The following ABCG8 variants were observed in gnomAD, a reference collection of about 807,000 sequenced individuals.
The protein encoded by ABCG8 is ATP binding cassette subfamily G member 8.
A neutral mutation model predicts 71.3 loss-of-function variants in ABCG8; 81 were observed. The observed-to-expected ratio is 1.14, with a 90% CI of 0.95 to 1.37. The LOEUF (loss-of-function observed/expected upper bound fraction) is 1.37, where lower values mean the gene tolerates loss of function less well. Among genes scored for constraint, ABCG8 ranks in the 40% most tolerant of loss-of-function variants. ABCG8 has a pLI of 0.00. For missense variants in ABCG8, 1,119 were observed against 866.2 expected, an observed-to-expected ratio of 1.29 and a Z score of -3.66; for synonymous variants, 451 against 354.7, an observed-to-expected ratio of 1.27 and a Z score of -3.05.
At chr2:43,844,387 A>T in intron 1 of ABCG8, 120 bp from the exon 2 acceptor site, 3 of 787,020 alleles carry the variant, frequency 3.8e-6, no homozygotes, top group Non-Finnish European at 6.5e-6. Flanking sequence ...TCTGTTGCCA[A>T]TTTGAGATTT....
At chr2:43,870,630 T>C (rs1484203783) in intron 6 of ABCG8, among the ~76,000 whole-genome samples, 7 of 152,124 alleles carry the variant, frequency 4.6e-5, no homozygotes, top group African/African-American at 7.2e-5. Context: ...GAACTCTCAC[T>C]ATCTGTGTGG....
At chr2:43,846,011 C>T (rs569726358) in intron 2 of ABCG8, 144 bp from the exon 3 acceptor site, 8 of 809,006 alleles carry the variant, frequency 9.9e-6, no homozygotes, top group East Asian at 2.5e-5. Flanking sequence ...TTTGGTAGAA[C>T]CTGGGTTGGG....
At chr2:43,866,948 A>C (rs1405929617) in intron 6 of ABCG8, among the ~76,000 whole-genome samples, 1 of 151,366 alleles carries the variant, frequency 6.6e-6, no homozygotes, top group Non-Finnish European at 1.5e-5. Flanking sequence ...AACCAACCCA[A>C]ATGTCCAACA....
rs376124375 is a variant in ABCG8, at chr2:43,866,751, T to C, written c.965-5225T>C. On this transcript the variant is annotated intron_variant, in intron 6 of 12. Transcript: ENST00000272286. ...GAACACTTTTACACTGTTGGTGGGA[T>C]TGTAAACTAGTTCAACCATTGTGGA... 6.8e-3 allele frequency among the ~76,000 whole-genome samples: 965 copies of C among 142,358 alleles called. 7 individuals are homozygous for C. Among genetic ancestry groups the C allele is most frequent in the South Asian group, 0.016 (68 of 4,276 alleles). The allele number at this position is 142,358 out of a possible 152,430, so 93.4% of individuals were successfully genotyped here.
At chr2:43,844,403 C>T in intron 1 of ABCG8, 104 bp from the exon 2 acceptor site, 3 of 874,050 alleles carry the variant, frequency 3.4e-6, no homozygotes, top group Non-Finnish European at 5.6e-6. Context: ...GATTTAACCA[C>T]GTCGGCTCTA....
intron 11 of ABCG8, among the ~76,000 whole-genome samples, chr2:43,877,185 G>A (rs914474487): frequency 1.3e-5 from 2 of 151,068 alleles, no homozygotes; most frequent in African/African-American, 4.9e-5. Flanking sequence ...TCAATATAAA[G>A]AAGACCATGG....
chr2:43,854,718 A>C (rs1242323496), intron 6 of ABCG8, among the ~76,000 whole-genome samples: 2 of 151,764 alleles, frequency 1.3e-5, no homozygotes, highest in African/African-American at 2.4e-5. Flanking sequence ...TGGGGAAGGA[A>C]TGAAGGGAGG....
Position 43,875,428 on chromosome 2 carries a change from C to A in ABCG8, c.1756+15C>A, listed in dbSNP as rs78577353. On this transcript the variant is annotated intron_variant, in intron 11 of 12. Coordinates refer to ENST00000272286, the MANE Select transcript of ABCG8 (RefSeq NM_022437.3). ...CCTGTGGACAGGTAAGGCCTGCCCCCGGGGCCTGGGCCAGCTTTGTTAGGA... is the reference window on the plus strand; with the variant it reads ...CCTGTGGACAGGTAAGGCCTGCCCCAGGGGCCTGGGCCAGCTTTGTTAGGA... 2.5e-6 allele frequency: 4 copies of A among 1,609,640 alleles called. No homozygotes were observed. The highest frequency in any genetic ancestry group is 2.2e-5 in the East Asian group (1 of 44,784).
intron 3 of ABCG8, among the ~76,000 whole-genome samples, chr2:43,850,777 G>A (rs1668887878): frequency 6.6e-6 from 1 of 152,052 alleles, no homozygotes; most frequent in South Asian, 2.1e-4. Flanking sequence ...GCCGGGCATG[G>A]TAGCGCCTGT....
At chr2:43,862,049 T>A (rs1669339510) in intron 6 of ABCG8, among the ~76,000 whole-genome samples, 3 of 151,444 alleles carry the variant, frequency 2.0e-5, no homozygotes, top group African/African-American at 7.2e-5. Flanking sequence ...ACCATCTAGA[T>A]AGAACTCTCA....
rs1375916280 is a variant in ABCG8 at position 43,875,383 on chromosome 2, T to A, written c.1726T>A (p.Phe576Ile). ...LYNSFYLAGG[F>I]MINLSSLWTV... ...CAACTCCTTCTACCTCGCCGGGGGC[T>A]TCATGATAAACTTGAGCAGCCTGTG... The change falls in exon 11 of 13, where the codon TTC becomes ATC. Residue 576 changes from phenylalanine (F) to isoleucine (I), a missense_variant. Transcript: ENST00000272286. The A allele has an allele frequency of 6.2e-7, 1 of 1,614,114 alleles. No individual in the cohort carries two copies. The highest frequency in any genetic ancestry group is 8.5e-7 in the Non-Finnish European group (1 of 1,180,036).
chr2:43,853,358 C>G (rs1046572346), intron 6 of ABCG8, among the ~76,000 whole-genome samples: 4 of 152,284 alleles, frequency 2.6e-5, no homozygotes, highest in African/African-American at 9.6e-5. Context: ...CAGGCTTGCC[C>G]TTTGCTTGGG....
intron 6 of ABCG8, among the ~76,000 whole-genome samples, chr2:43,859,702 A>G (rs1669238071): frequency 6.6e-6 from 1 of 151,186 alleles, no homozygotes; most frequent in African/African-American, 2.4e-5. Context: ...TCTGGATAGA[A>G]CTCTCACTAT....
At chr2:43,868,467 A>G (rs1403123887) in intron 6 of ABCG8, among the ~76,000 whole-genome samples, 1 of 151,504 alleles carries the variant, frequency 6.6e-6, no homozygotes, top group Non-Finnish European at 1.5e-5. Context: ...TCTGGATAGA[A>G]TTCTGTCTCT....
chr2:43,876,867 T>C (rs571049006), intron 11 of ABCG8, among the ~76,000 whole-genome samples: 7 of 97,764 alleles, frequency 7.2e-5, no homozygotes, highest in East Asian at 6.7e-4. Flanking sequence ...TATGGGGAGA[T>C]TGTGCGAATA....
chr2:43,851,502 G>C, intron 3 of ABCG8, 82 bp from the exon 4 acceptor site: 1 of 1,493,070 alleles, frequency 6.7e-7, no homozygotes, highest in Non-Finnish European at 9.3e-7. Flanking sequence ...CCGGGGTCCT[G>C]GAGAGTGTAT....
rs762452685 is a variant in ABCG8, at chr2:43,851,715, C to T, written c.454C>T (p.Arg152Cys). The T allele has an allele frequency of 8.1e-6, 13 of 1,614,242 alleles. No individual in the cohort carries two copies. Among genetic ancestry groups the T allele is most frequent in the South Asian group, 2.2e-5 (2 of 91,088 alleles). Residue 152 changes from arginine (R) to cysteine (C), a missense_variant, in exon 4 of 13, where the codon CGC becomes TGC. Physicochemically the swap from Arg to Cys is radical, Grantham distance 180. Coordinates refer to ENST00000272286, the MANE Select transcript of ABCG8 (RefSeq NM_022437.3). ...QLVRKCVAHV[R>C]QHNQLLPNLT... Reference sequence around the variant, plus strand: ...GGTGAGGAAGTGTGTGGCCCACGTGCGCCAGCACAACCAGCTGCTCCCCAA... The same window carrying T: ...GGTGAGGAAGTGTGTGGCCCACGTGTGCCAGCACAACCAGCTGCTCCCCAA...
At chr2:43,869,366 T>C (rs1232123331) in intron 6 of ABCG8, among the ~76,000 whole-genome samples, 1 of 152,144 alleles carries the variant, frequency 6.6e-6, no homozygotes. Flanking sequence ...ACTCTCACTA[T>C]CTGGATAGAA....
chr2:43,852,699 G>C lies in ABCG8; in HGVS notation c.795G>C (p.Val265=). 1 of 1,614,198 alleles carries C rather than the reference G, an allele frequency of 6.2e-7. No individual in the cohort carries two copies. Among genetic ancestry groups the C allele is most frequent in the Non-Finnish European group, 8.5e-7 (1 of 1,180,024 alleles). The change falls in exon 6 of 13, where the codon GTG becomes GTC. Residue 265 remains valine (V), a synonymous_variant. Transcript: ENST00000272286. ...GGCTGGCCAAAGGCAACCGGCTGGT[G>C]CTCATCTCCCTCCACCAGCCTCGCT... The part of the protein sequence containing the change: ...LSRLAKGNRL[V]LISLHQPRSD...
Sources: allele counts gnomAD v4.1 joint callset (sites outside exome capture counted in the v4.1 genomes callset), GRCh38; gene constraint gnomAD v4.1.1; transcripts MANE v1.5; gene names NCBI Gene and HGNC (gene_info 2026-07-23, HGNC 2026-07-21).